Variants in RBFOX1 observed in about 807,000 individuals in gnomAD.
RBFOX1 encodes the protein RNA binding fox-1 homolog 1.
In RBFOX1, 8 loss-of-function variants were observed where a neutral mutation model predicts 57.7. The observed-to-expected ratio is 0.14, with a 90% CI of 0.08 to 0.25. The LOEUF is 0.25. Ranked by LOEUF, RBFOX1 falls within the 10% of genes least tolerant of loss-of-function variation. The probability of loss-of-function intolerance (pLI) is 1.00; values close to 1 mark genes in which losing one functional copy is unlikely to be tolerated. For missense variants in RBFOX1, 611 were observed against 548.5 expected, an observed-to-expected ratio of 1.11 and a Z score of -1.14; for synonymous variants, 326 against 222.4, an observed-to-expected ratio of 1.47 and a Z score of -4.15.
At chr16:7,237,755 C>T (rs1162940785) in intron 4 of RBFOX1, among the ~76,000 whole-genome samples, 1 of 152,184 alleles carries the variant, frequency 6.6e-6, no homozygotes, top group Admixed American at 6.5e-5. Context: ...CCTGCAATCC[C>T]AACACTTTGG....
At chr16:6,539,806 G>GACAGACACACACACACACAC (rs2096786906) in intron 2 of RBFOX1, among the ~76,000 whole-genome samples, 2 of 136,328 alleles carry the variant, frequency 1.5e-5, no homozygotes, top group South Asian at 2.6e-4. Context: ...TCAAAACACA[G>GACAGACACACACACACACAC]ACACACACAC....
chr16:6,986,845 A>G (rs905229141), intron 3 of RBFOX1, among the ~76,000 whole-genome samples: 1 of 152,128 alleles, frequency 6.6e-6, no homozygotes, highest in African/African-American at 2.4e-5. Flanking sequence ...GTCTTGGTTG[A>G]TGATTTATTA....
intron 3 of RBFOX1, among the ~76,000 whole-genome samples, chr16:6,801,780 G>T (rs1409524532): frequency 8.5e-5 from 13 of 152,120 alleles, no homozygotes; most frequent in African/African-American, 3.1e-4. Flanking sequence ...AATATTGCCA[G>T]ACCGACTCAA....
At chr16:6,273,748 C>A (rs762298155) in intron 1 of RBFOX1, among the ~76,000 whole-genome samples, 64 of 152,148 alleles carry the variant, frequency 4.2e-4, no homozygotes, top group Non-Finnish European at 7.2e-4. Flanking sequence ...CGGCAAAACA[C>A]CCTGCTAAGT....
At chr16:7,689,786 G>A (rs1213553733) in intron 14 of RBFOX1, among the ~76,000 whole-genome samples, 1 of 152,060 alleles carries the variant, frequency 6.6e-6, no homozygotes, top group Non-Finnish European at 1.5e-5. Flanking sequence ...AAGAGGAACA[G>A]GTAAGGAAGA....
intron 4 of RBFOX1, among the ~76,000 whole-genome samples, chr16:5,871,040 A>G (rs1447142075): frequency 6.6e-6 from 1 of 152,248 alleles, no homozygotes; most frequent in Non-Finnish European, 1.5e-5. Flanking sequence ...TGAATATGTG[A>G]ATAACGTTTG....
chr16:5,839,785 T>C (rs1022826036), intron 3 of RBFOX1, among the ~76,000 whole-genome samples: 7 of 152,156 alleles, frequency 4.6e-5, no homozygotes, highest in African/African-American at 1.7e-4. Context: ...GGTGGATGAA[T>C]GCGGTTTTCT....
intron 3 of RBFOX1, among the ~76,000 whole-genome samples, chr16:6,758,156 C>G (rs7188565): frequency 6.6e-6 from 1 of 151,740 alleles, no homozygotes; most frequent in African/African-American, 2.4e-5. Flanking sequence ...GGTCAGACTT[C>G]AGGTACTGTC....
chr16:7,158,936 G>GT (rs1176819845), intron 4 of RBFOX1, among the ~76,000 whole-genome samples: 2 of 152,044 alleles, frequency 1.3e-5, no homozygotes, highest in Non-Finnish European at 2.9e-5. Flanking sequence ...CACTTGTGTA[G>GT]TTTCATGTGG....
chr16:5,316,614 G>A (rs1474834855), intron 1 of RBFOX1, among the ~76,000 whole-genome samples: 1 of 152,210 alleles, frequency 6.6e-6, no homozygotes, highest in Non-Finnish European at 1.5e-5. Context: ...GTAAAAACTA[G>A]AATAAGAATA....
In RBFOX1 at chr16:6,727,159, G is replaced by A. The variant is rs183784856; in HGVS notation, c.-16+72509G>A. ...AACATGTATATATTTGCCTTCAAAA[G>A]TCGCAATTCCATAGAAAGAAGAGGT... On this transcript the variant is annotated intron_variant, in intron 3 of 15. Coordinates refer to ENST00000550418, the MANE Select transcript of RBFOX1 (RefSeq NM_018723.4). 3.1e-3 allele frequency among the ~76,000 whole-genome samples: 466 copies of A among 150,330 alleles called. 2 individuals are homozygous for A. Among genetic ancestry groups the A allele is most frequent in the Non-Finnish European group, 5.1e-3 (347 of 67,552 alleles).
At chr16:6,070,122 A>C (rs1451771189) in intron 1 of RBFOX1, among the ~76,000 whole-genome samples, 1 of 152,178 alleles carries the variant, frequency 6.6e-6, no homozygotes, top group East Asian at 1.9e-4. Context: ...ACATTTTTTA[A>C]AGTGTGATTT....
chr16:7,203,051 G>C (rs974775447), intron 4 of RBFOX1, among the ~76,000 whole-genome samples: 1 of 152,174 alleles, frequency 6.6e-6, no homozygotes, highest in African/African-American at 2.4e-5. Flanking sequence ...CTCCCAAAGT[G>C]CTGGGATTAC....
At chr16:5,647,160 C>T (rs1187378596) in intron 3 of RBFOX1, among the ~76,000 whole-genome samples, 1 of 152,110 alleles carries the variant, frequency 6.6e-6, no homozygotes, top group Non-Finnish European at 1.5e-5. Flanking sequence ...TCAAGGTGGA[C>T]CAGTGATATG....
At chr16:6,239,185 G>C (rs2097526601) in intron 1 of RBFOX1, among the ~76,000 whole-genome samples, 1 of 152,084 alleles carries the variant, frequency 6.6e-6, no homozygotes, top group African/African-American at 2.4e-5. Flanking sequence ...ATAACGGTAT[G>C]AATGAATGAA....
At chr16:5,765,453 T>A (rs528343869) in intron 3 of RBFOX1, among the ~76,000 whole-genome samples, 1 of 152,334 alleles carries the variant, frequency 6.6e-6, no homozygotes, top group East Asian at 1.9e-4. Flanking sequence ...CCTTTGACCC[T>A]TCTTTCCCAG....
chr16:7,660,113 C>T (rs187920233), intron 12 of RBFOX1, among the ~76,000 whole-genome samples: 4 of 152,214 alleles, frequency 2.6e-5, no homozygotes, highest in African/African-American at 4.8e-5. Context: ...TCATATTACA[C>T]GAGCAGATTG....
chr16:6,082,487 C>T (rs1435497082), intron 1 of RBFOX1, among the ~76,000 whole-genome samples: 1 of 149,052 alleles, frequency 6.7e-6, no homozygotes, highest in African/African-American at 2.5e-5. Flanking sequence ...ATTTTAGGCA[C>T]TATGCTTTTA....
At chr16:6,771,977 T>A (rs1254703574) in intron 3 of RBFOX1, among the ~76,000 whole-genome samples, 3 of 152,168 alleles carry the variant, frequency 2.0e-5, no homozygotes, top group Non-Finnish European at 4.4e-5. Context: ...CTCAAAATAA[T>A]TGAAACGGAA....
Sources: allele counts gnomAD v4.1 joint callset (sites outside exome capture counted in the v4.1 genomes callset), GRCh38; gene constraint gnomAD v4.1.1; transcripts MANE v1.5; gene names NCBI Gene and HGNC (gene_info 2026-07-23, HGNC 2026-07-21).